SSBP3: variants seen among roughly 807,000 people sequenced by gnomAD.
SSBP3 encodes single-stranded DNA-binding protein 3.
In SSBP3, 5 loss-of-function variants were observed where a neutral mutation model predicts 69.6. That is an observed-to-expected ratio of 0.07 (90% CI 0.04 to 0.15). The LOEUF (loss-of-function observed/expected upper bound fraction) is 0.15, where lower values mean the gene tolerates loss of function less well. Among genes scored for constraint, SSBP3 ranks in the 10% least tolerant of loss-of-function variants. The pLI is 1.00. For missense variants in SSBP3, 312 were observed against 534.0 expected (o/e 0.58, Z 4.10); for synonymous variants, 196 against 193.4 (o/e 1.01, Z -0.11).
At chr1:54,408,441 T>C (rs1459858758), upstream of SSBP3, among the ~76,000 whole-genome samples, 2 of 152,208 alleles carry the variant, frequency 1.3e-5, no homozygotes, top group African/African-American at 4.8e-5. Context: ...AGGGATGGCT[T>C]GTCAACAGAC....
chr1:54,228,901 G>C, intron 14 of SSBP3, 75 bp from the exon 15 acceptor site: 1 of 1,486,254 alleles, frequency 6.7e-7, no homozygotes, highest in Non-Finnish European at 9.2e-7. Flanking sequence ...GGGGGCTGCA[G>C]CCACGCTTGA....
upstream of SSBP3, among the ~76,000 whole-genome samples, chr1:54,408,617 CA>C (rs375107604): frequency 1.3e-4 from 20 of 152,346 alleles, no homozygotes; most frequent in African/African-American, 4.8e-4. Context: ...GGCTGCAACA[CA>C]AGCATATCTA....
exon 1 of SSBP3, chr1:54,406,073 T>A: frequency 4.6e-6 from 6 of 1,315,790 alleles, no homozygotes; most frequent in Non-Finnish European, 6.1e-6. Context: ...CCGCTCCGGC[T>A]CTCCCGAGCT....
intron 4 of SSBP3, among the ~76,000 whole-genome samples, chr1:54,317,079 C>T (rs1646127937): frequency 6.6e-6 from 1 of 152,064 alleles, no homozygotes; most frequent in African/African-American, 2.4e-5. Flanking sequence ...GTATTCAGAT[C>T]ACAGCAAAAA....
At chr1:54,374,333 C>T (rs12062930) in intron 4 of SSBP3, among the ~76,000 whole-genome samples, 74,223 of 152,010 alleles carry the variant, frequency 0.49, 19,826 homozygotes, top group African/African-American at 0.71. Context: ...GCACAGGCTC[C>T]GGGAAGACGA....
chr1:54,285,983 C>A (rs1013101347), intron 4 of SSBP3, among the ~76,000 whole-genome samples: 1 of 152,156 alleles, frequency 6.6e-6, no homozygotes, highest in Non-Finnish European at 1.5e-5. Context: ...CCAAGCTGCT[C>A]TCCCCAGCTA....
intron 5 of SSBP3, among the ~76,000 whole-genome samples, chr1:54,265,222 T>C (rs140725137): frequency 6.6e-6 from 1 of 152,182 alleles, no homozygotes; most frequent in Non-Finnish European, 1.5e-5. Context: ...CAATTTTACA[T>C]GCAGTCTTTG....
intron 4 of SSBP3, among the ~76,000 whole-genome samples, chr1:54,289,038 A>AAC (rs1645552580): frequency 3.5e-5 from 2 of 57,968 alleles, no homozygotes; most frequent in African/African-American, 6.7e-5. Flanking sequence ...AAAAAAAAAC[A>AAC]AAAAAACAAA....
At chr1:54,311,515 A>G (rs770386424) in intron 4 of SSBP3, among the ~76,000 whole-genome samples, 3 of 152,120 alleles carry the variant, frequency 2.0e-5, no homozygotes, top group Non-Finnish European at 4.4e-5. Context: ...AAAAACTATT[A>G]AAGGACCTAC....
chr1:54,268,452 GC>G (rs1239173333), intron 5 of SSBP3, among the ~76,000 whole-genome samples: 2 of 152,118 alleles, frequency 1.3e-5, no homozygotes, highest in Non-Finnish European at 1.5e-5. Context: ...GGTGCACACA[GC>G]CTTCCTGCCC....
At chr1:54,273,492 C>T (rs757367603) in intron 5 of SSBP3, among the ~76,000 whole-genome samples, 3 of 152,344 alleles carry the variant, frequency 2.0e-5, no homozygotes, top group South Asian at 2.1e-4. Context: ...GGTCATCTGC[C>T]GCTGGGCAGA....
intron 4 of SSBP3, among the ~76,000 whole-genome samples, chr1:54,297,087 T>C (rs961201754): frequency 2.0e-5 from 3 of 152,232 alleles, no homozygotes; most frequent in Admixed American, 2.0e-4. Context: ...GCTGGGATTT[T>C]CTTCCTGGCT....
At chr1:54,265,839 C>G (rs1175379700) in intron 5 of SSBP3, among the ~76,000 whole-genome samples, 1 of 152,244 alleles carries the variant, frequency 6.6e-6, no homozygotes, top group Non-Finnish European at 1.5e-5. Context: ...TCCTAGCAGT[C>G]TCTCCAAGGA....
At chr1:54,406,101 C>A in exon 1 of SSBP3, 1 of 1,055,512 alleles carries the variant, frequency 9.5e-7, no homozygotes. Context: ...GCTCCCGGCC[C>A]CCTCCCCGGC....
chr1:54,365,468 G>A (rs1229021589), intron 4 of SSBP3, among the ~76,000 whole-genome samples: 3 of 152,208 alleles, frequency 2.0e-5, no homozygotes, highest in Non-Finnish European at 4.4e-5. Context: ...CTATTTGAGA[G>A]CCTAAGTGAA....
chr1:54,333,961 T>C (rs539819816), intron 4 of SSBP3, among the ~76,000 whole-genome samples: 2 of 152,192 alleles, frequency 1.3e-5, no homozygotes, highest in African/African-American at 2.4e-5. Flanking sequence ...GAGACTGAGA[T>C]GGAAGGATCA....
At position 54,257,445 on chromosome 1, in the gene SSBP3, T is replaced by C. The variant is rs546034791; in HGVS notation, c.448-259A>G. Among the ~76,000 whole-genome samples the C allele has an allele frequency of 6.6e-5, 10 of 152,222 alleles. No individual in the cohort carries two copies. The East Asian group carries it at 1.4e-3, about 21-fold the overall frequency. ...GTGGGAAGGGCAGCGGCTGGGACTT[T>C]GCATAAGAAACGAAAAACAGTTAAA... On this transcript the variant is annotated intron_variant, in intron 6 of 17. Transcript: ENST00000610401.
intron 4 of SSBP3, among the ~76,000 whole-genome samples, chr1:54,396,996 A>G (rs1648936335): frequency 6.6e-6 from 1 of 152,216 alleles, no homozygotes; most frequent in Admixed American, 6.5e-5. Context: ...GAGGAATTGC[A>G]GAAAACAGGG....
intron 4 of SSBP3, among the ~76,000 whole-genome samples, chr1:54,383,983 G>A (rs1325937209): frequency 6.6e-6 from 1 of 152,128 alleles, no homozygotes; most frequent in South Asian, 2.1e-4. Context: ...GCAGGCGCCT[G>A]TAGTCCCAGC....
Sources: allele counts gnomAD v4.1 joint callset (sites outside exome capture counted in the v4.1 genomes callset), GRCh38; gene constraint gnomAD v4.1.1; transcripts MANE v1.5; gene names NCBI Gene and HGNC (gene_info 2026-07-23, HGNC 2026-07-21).